HTR4: variants seen among roughly 807,000 people sequenced by gnomAD.
HTR4 encodes the protein 5-hydroxytryptamine (serotonin) receptor 4, G protein-coupled.
In HTR4, 16 loss-of-function variants were observed where a neutral mutation model predicts 36.8. The ratio of observed to expected loss-of-function variants is 0.43; its 90% CI spans 0.29 to 0.66. HTR4 has a LOEUF of 0.66. HTR4 is among the 30% of genes least tolerant of loss of function. HTR4 has a pLI of 0.13. For synonymous variants in HTR4, 189 were observed against 185.1 expected, an observed-to-expected ratio of 1.02 and a Z score of -0.17; for missense variants, 438 against 490.9, an observed-to-expected ratio of 0.89 and a Z score of 1.02.
At chr5:148,494,336 A>G (rs1756586232) in intron 6 of HTR4, among the ~76,000 whole-genome samples, 1 of 152,238 alleles carries the variant, frequency 6.6e-6, no homozygotes, top group South Asian at 2.1e-4. Context: ...CTGGACAGAC[A>G]GATAATAAAC....
Position 148,482,853 on chromosome 5 carries a change from T to G in HTR4, c.*350A>C. ...TATTTGGAGACATCAGTGACCGAGA[T>G]AGGACGCAGCAAGCTATCGTGCTTA... On this transcript the variant is annotated 3_prime_UTR_variant, in exon 7 of 7. Transcript: ENST00000377888. 8.8e-7 allele frequency: 1 copy of G among 1,134,646 alleles called. No individual in the cohort carries two copies. Among genetic ancestry groups the G allele is most frequent in the Non-Finnish European group, 1.1e-6 (1 of 916,892 alleles). The allele number at this position is 1,134,646 out of a possible 1,614,324, so 70.3% of individuals were successfully genotyped here.
chr5:148,486,142 G>A lies in HTR4; in HGVS notation c.1077-2849C>T, dbSNP rs145030739. On this transcript the variant is annotated intron_variant, in intron 6 of 6. Transcript: ENST00000377888. ...CACAACGTCTCTCTCTCAGCAGGACGAATGGGAATGTGAGAATAATGACAG... is the reference window on the plus strand; with the variant it reads ...CACAACGTCTCTCTCTCAGCAGGACAAATGGGAATGTGAGAATAATGACAG... Among the ~76,000 whole-genome samples the A allele has an allele frequency of 7.2e-5, 11 of 152,322 alleles. 1 individual carries two copies. The highest frequency in any genetic ancestry group is 2.6e-4 in the African/African-American group (11 of 41,570).
At chr5:148,547,388 G>A (rs10055338) in intron 4 of HTR4, among the ~76,000 whole-genome samples, 31,505 of 151,742 alleles carry the variant, frequency 0.21, 4,432 homozygotes, top group African/African-American at 0.4. Flanking sequence ...GCCTGGTGGC[G>A]GGCGCTTGTA....
chr5:148,567,616 C>A (rs1334516143), intron 2 of HTR4, among the ~76,000 whole-genome samples: 1 of 152,038 alleles, frequency 6.6e-6, no homozygotes, highest in Non-Finnish European at 1.5e-5. Flanking sequence ...CAGGCACAAA[C>A]ACCTCCTCTG....
intron 5 of HTR4, among the ~76,000 whole-genome samples, chr5:148,467,200 T>C (rs987015678): frequency 6.6e-6 from 1 of 152,208 alleles, no homozygotes; most frequent in African/African-American, 2.4e-5. Flanking sequence ...CGGTGTTGAA[T>C]GTTCCTGCGT....
chr5:148,581,103 G>C (rs576152593), intron 2 of HTR4, among the ~76,000 whole-genome samples: 1 of 151,884 alleles, frequency 6.6e-6, no homozygotes, highest in African/African-American at 2.4e-5. Context: ...CTGATGATTA[G>C]TGATAGTAAG....
At chr5:148,456,665 C>A (rs908379928) in intron 5 of HTR4, among the ~76,000 whole-genome samples, 1 of 152,110 alleles carries the variant, frequency 6.6e-6, no homozygotes, top group Non-Finnish European at 1.5e-5. Context: ...GTAAGTAAGA[C>A]GAGATTCAGA....
chr5:148,490,864 C>A (rs1330672315), intron 6 of HTR4: 1 of 491,186 alleles, frequency 2.0e-6, no homozygotes, highest in East Asian at 6.9e-5. Flanking sequence ...TATATAAAAA[C>A]AATAATTATG....
intron 5 of HTR4, among the ~76,000 whole-genome samples, chr5:148,454,215 T>C (rs957305354): frequency 1.1e-4 from 16 of 152,196 alleles, no homozygotes; most frequent in African/African-American, 2.9e-4. Context: ...CCTCTGTAAC[T>C]GAGGTTAATG....
chr5:148,529,841 G>A (rs1758466172), intron 4 of HTR4, among the ~76,000 whole-genome samples: 1 of 152,216 alleles, frequency 6.6e-6, no homozygotes, highest in Admixed American at 6.5e-5. Context: ...AATCCAGGCT[G>A]AGGTGGTCTC....
chr5:148,567,144 A>G (rs1015879083), intron 2 of HTR4, among the ~76,000 whole-genome samples: 2 of 152,110 alleles, frequency 1.3e-5, no homozygotes, highest in Admixed American at 1.3e-4. Context: ...TGCTTAATAG[A>G]TGAAATTTTC....
At chr5:148,492,578 A>G (rs1471502542) in intron 6 of HTR4, among the ~76,000 whole-genome samples, 6 of 152,236 alleles carry the variant, frequency 3.9e-5, no homozygotes, top group African/African-American at 1.4e-4. Flanking sequence ...ATGTTTTACC[A>G]AGATATGAAT....
intron 6 of HTR4, among the ~76,000 whole-genome samples, chr5:148,505,817 G>C (rs546109071): frequency 6.6e-6 from 1 of 152,050 alleles, no homozygotes; most frequent in Non-Finnish European, 1.5e-5. Flanking sequence ...AACTCACAAG[G>C]GATGTGAAGG....
chr5:148,552,478 T>C (rs1395585086), intron 2 of HTR4, among the ~76,000 whole-genome samples: 1 of 152,156 alleles, frequency 6.6e-6, no homozygotes, highest in Admixed American at 6.5e-5. Flanking sequence ...GAGGTGATGG[T>C]GGTTCTCTTC....
intron 2 of HTR4, among the ~76,000 whole-genome samples, chr5:148,597,804 A>G (rs1052720347): frequency 2.0e-5 from 3 of 152,204 alleles, no homozygotes; most frequent in African/African-American, 4.8e-5. Context: ...CCTTGCCTCT[A>G]TGATTGATAA....
At chr5:148,617,468 G>GTT (rs199759219) in intron 2 of HTR4, among the ~76,000 whole-genome samples, 13 of 134,228 alleles carry the variant, frequency 9.7e-5, no homozygotes, top group African/African-American at 2.5e-4. Flanking sequence ...TCTCTCTTTT[G>GTT]TTTTTTTTTG....
intron 6 of HTR4, among the ~76,000 whole-genome samples, chr5:148,484,693 C>T (rs1321280506): frequency 6.6e-6 from 1 of 151,944 alleles, no homozygotes; most frequent in Non-Finnish European, 1.5e-5. Flanking sequence ...GAAGTCTATT[C>T]TTATTATAGC....
chr5:148,512,858 G>A (rs1757561735), intron 5 of HTR4, among the ~76,000 whole-genome samples: 7 of 152,084 alleles, frequency 4.6e-5, no homozygotes, highest in Admixed American at 4.6e-4. Context: ...TTGAACCCGG[G>A]AGGCAGAGGT....
At chr5:148,515,887 C>A (rs1757725393) in intron 5 of HTR4, among the ~76,000 whole-genome samples, 1 of 151,586 alleles carries the variant, frequency 6.6e-6, no homozygotes, top group African/African-American at 2.4e-5. Flanking sequence ...GGCACTATTT[C>A]TACAAATATT....
Sources: allele counts gnomAD v4.1 joint callset (sites outside exome capture counted in the v4.1 genomes callset), GRCh38; gene constraint gnomAD v4.1.1; transcripts MANE v1.5; gene names NCBI Gene and HGNC (gene_info 2026-07-23, HGNC 2026-07-21).